Variants in CHST15 observed in about 807,000 individuals in gnomAD.
CHST15 encodes the protein carbohydrate sulfotransferase 15.
In CHST15, 30 loss-of-function variants were observed where a neutral mutation model predicts 53.6. That is an observed-to-expected ratio of 0.56 (90% CI 0.42 to 0.76). CHST15 has a LOEUF of 0.76. Among genes scored for constraint, CHST15 ranks in the 30% least tolerant of loss-of-function variants. CHST15 has a pLI of 0.00. For synonymous variants in CHST15, 296 were observed against 289.8 expected (o/e 1.02, Z -0.22); for missense variants, 627 against 740.5 (o/e 0.85, Z 1.78).
intron 1 of CHST15, among the ~76,000 whole-genome samples, chr10:124,090,344 C>T (rs1472747591): frequency 6.6e-6 from 1 of 152,220 alleles, no homozygotes; most frequent in Non-Finnish European, 1.5e-5. Context: ...ATGTGCTCAC[C>T]TGTTCAGGAC....
At chr10:124,038,031 C>G (rs537691273) in intron 5 of CHST15, among the ~76,000 whole-genome samples, 1 of 152,282 alleles carries the variant, frequency 6.6e-6, no homozygotes, top group African/African-American at 2.4e-5. Flanking sequence ...TCAGTGGGGA[C>G]AGCCTCAAGA....
chr10:124,060,654 G>C (rs1948542136), intron 1 of CHST15, among the ~76,000 whole-genome samples: 2 of 152,216 alleles, frequency 1.3e-5, no homozygotes, highest in Admixed American at 6.5e-5. Flanking sequence ...CCAGTGTGCA[G>C]AGGTTAGCCA....
chr10:124,038,459 CTG>C, intron 5 of CHST15, 54 bp downstream of exon 5: 1 of 1,583,784 alleles, frequency 6.3e-7, no homozygotes. Context: ...GAGGGGAACA[CTG>C]TTCTTCAAAA....
chr10:124,044,461 A>C (rs1339177815), intron 3 of CHST15, 119 bp downstream of exon 3: 2 of 807,640 alleles, frequency 2.5e-6, no homozygotes, highest in Non-Finnish European at 3.6e-6. Context: ...CCTCCTAACA[A>C]GGGAATTGTG....
At chr10:124,092,537 C>A (rs1441367084) in intron 1 of CHST15, 4 of 152,396 alleles carry the variant, frequency 2.6e-5, no homozygotes, top group Admixed American at 6.5e-5. Flanking sequence ...AGCCGCTCCC[C>A]TATCTCTTCC....
Position 124,022,715 on chromosome 10 carries a change from G to A in CHST15, c.1191-1303C>T, listed in dbSNP as rs563773019. On this transcript the variant is annotated intron_variant, in intron 5 of 7. Coordinates refer to ENST00000435907, the MANE Select transcript of CHST15 (RefSeq NM_001270764.2). ...GCCTGTCTCCAGCAAGAATCCCATC[G>A]GGTTGGTTTAGCCAGAATCCCCACC... is the stretch of plus-strand genomic sequence containing the variant. 4.0e-5 allele frequency among the ~76,000 whole-genome samples: 6 copies of A among 151,878 alleles called. No individual in the cohort carries two copies. In the South Asian group the frequency reaches 8.3e-4, roughly 21 times the overall value.
At chr10:124,020,930 AGTTGG>A in intron 6 of CHST15, 1 of 1,383,018 alleles carries the variant, frequency 7.2e-7, no homozygotes, top group Non-Finnish European at 9.3e-7. Context: ...ACAATTTGAG[AGTTGG>A]GTGTCCTCAT....
At chr10:124,010,588 G>C (rs1349224655) in intron 7 of CHST15, 148 of 985,308 alleles carry the variant, frequency 1.5e-4, no homozygotes, top group Non-Finnish European at 1.7e-4. Flanking sequence ...GAGCCCAGCT[G>C]GCATTTAATG....
rs79012264 is a variant in CHST15, at chr10:124,010,055, T to C, written c.*94A>G. On this transcript the variant is annotated 3_prime_UTR_variant, in exon 8 of 8. Transcript: ENST00000435907. The stretch of plus-strand genomic sequence containing the variant: ...AGTGGCAGAGTCCTGGGGTTTTCCA[T>C]ACCATGAGTGAAACAGTTCCCCGCA... 11,813 of 1,598,958 alleles carry C rather than the reference T, an allele frequency of 7.4e-3. 320 individuals are homozygous for C. The highest frequency in any genetic ancestry group is 0.061 in the African/African-American group (4,568 of 74,614).
Position 124,009,416 on chromosome 10 carries a change from A to C in CHST15, c.*733T>G, listed in dbSNP as rs1033948217. 12 of 994,922 alleles carry C rather than the reference A, an allele frequency of 1.2e-5. No homozygotes were observed. In the African/African-American group the frequency reaches 1.4e-4, roughly 12 times the overall value. The allele number at this position is 994,922 out of a possible 1,614,324, so 61.6% of individuals were successfully genotyped here. Reference sequence around the variant, plus strand: ...GTTAAACATAAGTCCACAAGGACAGAATAGGAGGAGGTCAGAAAGATGAAG... The same window carrying C: ...GTTAAACATAAGTCCACAAGGACAGCATAGGAGGAGGTCAGAAAGATGAAG... On this transcript the variant is annotated 3_prime_UTR_variant, in exon 8 of 8. Transcript: ENST00000435907.
intron 7 of CHST15, chr10:124,010,779 C>T (rs1329434864): frequency 1.0e-6 from 1 of 985,462 alleles, no homozygotes; most frequent in Non-Finnish European, 1.2e-6. Context: ...CTACTTCAGG[C>T]TGCTCATGCC....
chr10:124,038,418 T>C, intron 5 of CHST15, 97 bp downstream of exon 5: 2 of 1,448,740 alleles, frequency 1.4e-6, no homozygotes, highest in Non-Finnish European at 1.9e-6. Context: ...TTTAATTTTT[T>C]CTAAAGGAGA....
Position 124,045,132 on chromosome 10 carries a change from A to AAC in CHST15, c.547-214_547-213insGT, listed in dbSNP as rs1564882260. Among the ~76,000 whole-genome samples, 19 of 145,804 alleles carry AAC rather than the reference A, an allele frequency of 1.3e-4. No individual in the cohort carries two copies. In the South Asian group the frequency reaches 1.5e-3, roughly 11 times the overall value. On this transcript the variant is annotated intron_variant, in intron 2 of 7. Coordinates refer to ENST00000435907, the MANE Select transcript of CHST15 (RefSeq NM_001270764.2). The stretch of plus-strand genomic sequence containing the variant: ...CCCCACAAAAAAAAAAAAAAAAAAA[A>AAC]AAAAAAAAAAAACTTGGAGAGAATA...
chr10:124,072,956 A>C (rs979875023), intron 1 of CHST15, among the ~76,000 whole-genome samples: 2 of 152,060 alleles, frequency 1.3e-5, no homozygotes, highest in Non-Finnish European at 2.9e-5. Flanking sequence ...AGTCAGTCTC[A>C]CCTTACATTT....
At chr10:124,028,888 G>A (rs1250247790) in intron 5 of CHST15, among the ~76,000 whole-genome samples, 4 of 133,756 alleles carry the variant, frequency 3.0e-5, no homozygotes, top group South Asian at 2.5e-4. Context: ...CCACCTCCCC[G>A]TGCTCCTCAA....
intron 5 of CHST15, among the ~76,000 whole-genome samples, chr10:124,025,141 A>C (rs1376356046): frequency 6.6e-6 from 1 of 152,210 alleles, no homozygotes; most frequent in Non-Finnish European, 1.5e-5. Flanking sequence ...AAAGCACCTA[A>C]GCTTGTCTTG....
chr10:124,015,857 C>T (rs1041028944), intron 6 of CHST15, among the ~76,000 whole-genome samples: 4 of 152,204 alleles, frequency 2.6e-5, no homozygotes, highest in Non-Finnish European at 5.9e-5. Flanking sequence ...AGAAGACAGT[C>T]AGAGTAAAGC....
At chr10:124,021,114 G>T in intron 6 of CHST15, 142 bp downstream of exon 6, 1 of 1,506,136 alleles carries the variant, frequency 6.6e-7, no homozygotes, top group Non-Finnish European at 8.9e-7. Context: ...ATGAATAATG[G>T]GGAACAGCAT....
chr10:124,031,392 G>A (rs1182088392), intron 5 of CHST15, among the ~76,000 whole-genome samples: 1 of 152,194 alleles, frequency 6.6e-6, no homozygotes, highest in Non-Finnish European at 1.5e-5. Flanking sequence ...GTCATAGAGT[G>A]TTCACAGAAA....
Sources: gnomAD v4.1 joint callset for allele counts (sites outside exome capture counted in the v4.1 genomes callset) on GRCh38, gnomAD v4.1.1 for gene constraint, MANE v1.5 for transcripts, NCBI Gene and HGNC (gene_info 2026-07-23, HGNC 2026-07-21) for gene names.